The following PITPNC1 variants were observed in gnomAD, a reference collection of about 807,000 sequenced individuals.
PITPNC1 encodes phosphatidylinositol transfer protein cytoplasmic 1.
In PITPNC1, 18 loss-of-function variants were observed where a neutral mutation model predicts 44.7. That is an observed-to-expected ratio of 0.40 (90% CI 0.28 to 0.60). The LOEUF is 0.60. PITPNC1 is among the 20% of genes least tolerant of loss of function. The pLI is 0.39. For synonymous variants in PITPNC1, 141 were observed against 149.6 expected, an observed-to-expected ratio of 0.94 and a Z score of 0.42; for missense variants, 290 against 418.4, an observed-to-expected ratio of 0.69 and a Z score of 2.68.
chr17:67,556,291 T>C (rs2040837650), intron 4 of PITPNC1, among the ~76,000 whole-genome samples: 1 of 152,200 alleles, frequency 6.6e-6, no homozygotes, highest in Admixed American at 6.5e-5. Flanking sequence ...TCAAGGAGGT[T>C]ACTCAGTATC....
In PITPNC1 at chr17:67,509,557, T is replaced by TAAA. The variant is rs968819063; in HGVS notation, c.49-23242_49-23240dup. ...ATCTCTAAATTAAATTAAATTGAATTAAAAATAAATAAATAAATAAATAAA... is the reference window on the plus strand; with the variant it reads ...ATCTCTAAATTAAATTAAATTGAATTAAAAAAAATAAATAAATAAATAAATAAA... On this transcript the variant is annotated intron_variant, in intron 1 of 8. Coordinates refer to ENST00000581322, the MANE Select transcript of PITPNC1 (RefSeq NM_012417.4). 1.7e-3 allele frequency among the ~76,000 whole-genome samples: 230 copies of TAAA among 135,190 alleles called. 2 individuals carry two copies. Among genetic ancestry groups the TAAA allele is most frequent in the African/African-American group, 6.4e-3 (223 of 34,984 alleles). 88.7% of individuals were successfully genotyped at this position (135,190 alleles called of 152,430 possible).
chr17:67,690,325 G>A (rs560496779), intron 8 of PITPNC1, among the ~76,000 whole-genome samples: 3 of 151,936 alleles, frequency 2.0e-5, no homozygotes, highest in African/African-American at 7.2e-5. Flanking sequence ...GCAGACGCCT[G>A]TAATCCCAGC....
intron 1 of PITPNC1, among the ~76,000 whole-genome samples, chr17:67,411,910 C>T (rs1257810981): frequency 6.6e-6 from 1 of 152,090 alleles, no homozygotes; most frequent in African/African-American, 2.4e-5. Context: ...AGTGGCAGAG[C>T]CAGGATTTGA....
At chr17:67,489,007 A>G (rs917203794) in intron 1 of PITPNC1, among the ~76,000 whole-genome samples, 4 of 152,206 alleles carry the variant, frequency 2.6e-5, no homozygotes, top group South Asian at 2.1e-4. Context: ...GTGGATGGAC[A>G]TGGGTTGTTT....
chr17:67,656,695 C>T (rs2042272403), intron 6 of PITPNC1, among the ~76,000 whole-genome samples: 1 of 152,114 alleles, frequency 6.6e-6, no homozygotes, highest in Admixed American at 6.6e-5. Context: ...TATAATTGGC[C>T]AGACCTTGAA....
chr17:67,487,858 TC>T (rs2039802992), intron 1 of PITPNC1, among the ~76,000 whole-genome samples: 1 of 152,168 alleles, frequency 6.6e-6, no homozygotes, highest in African/African-American at 2.4e-5. Context: ...AAGTAATTTC[TC>T]CCAGGAGATG....
chr17:67,604,350 G>A (rs2041581927), intron 5 of PITPNC1, among the ~76,000 whole-genome samples: 1 of 152,226 alleles, frequency 6.6e-6, no homozygotes, highest in Non-Finnish European at 1.5e-5. Context: ...AGGCTGGTAG[G>A]CTAATAGCAG....
Position 67,448,867 on chromosome 17 carries a change from A to G in PITPNC1, c.48+70665A>G, listed in dbSNP as rs558514451. Among the ~76,000 whole-genome samples the G allele has an allele frequency of 2.0e-3, 297 of 152,278 alleles. 2 individuals carry two copies. The highest frequency in any genetic ancestry group is 6.4e-3 in the African/African-American group (264 of 41,550). On this transcript the variant is annotated intron_variant, in intron 1 of 8. Transcript: ENST00000581322. Reference sequence around the variant, plus strand: ...CGATCTCCTCCGCCTCCCGGGTTCAAGTGGTTCTCCTGCCTCAGCCTCCCC... The same window carrying G: ...CGATCTCCTCCGCCTCCCGGGTTCAGGTGGTTCTCCTGCCTCAGCCTCCCC...
chr17:67,604,258 A>C (rs2041580440), intron 5 of PITPNC1, among the ~76,000 whole-genome samples: 1 of 152,224 alleles, frequency 6.6e-6, no homozygotes, highest in African/African-American at 2.4e-5. Flanking sequence ...TCTAGTTTTT[A>C]CACATCTTCA....
chr17:67,428,551 A>AT (rs1170381583), intron 1 of PITPNC1, among the ~76,000 whole-genome samples: 2 of 150,468 alleles, frequency 1.3e-5, no homozygotes, highest in Non-Finnish European at 2.9e-5. Flanking sequence ...AAAAAAAAAA[A>AT]AGAAAGAAAG....
At chr17:67,587,765 A>G (rs1187269386) in intron 5 of PITPNC1, among the ~76,000 whole-genome samples, 1 of 152,178 alleles carries the variant, frequency 6.6e-6, no homozygotes, top group Non-Finnish European at 1.5e-5. Context: ...TTTAACCACA[A>G]AGATTTACTT....
At position 67,444,923 on chromosome 17, in the gene PITPNC1, G is replaced by A. The variant is rs1227391586; in HGVS notation, c.48+66721G>A. On this transcript the variant is annotated intron_variant, in intron 1 of 8. Transcript: ENST00000581322. ...AAAAAAAAGAAGGCAAGGTATATAA[G>A]TGTATTAGTGTGCGCTGTGGGAGGA... Among the ~76,000 whole-genome samples the A allele has an allele frequency of 3.9e-5, 6 of 151,962 alleles. No homozygotes were observed. The East Asian group carries it at 9.6e-4, about 24-fold the overall frequency.
intron 1 of PITPNC1, among the ~76,000 whole-genome samples, chr17:67,495,431 A>G (rs570512489): frequency 1.3e-5 from 2 of 152,214 alleles, no homozygotes; most frequent in South Asian, 4.2e-4. Flanking sequence ...TTTGTTATAC[A>G]GGTAAACTCA....
chr17:67,377,300 C>G lies in PITPNC1; in HGVS notation c.-855C>G, dbSNP rs1412907869. ...GCTCCTCCCGCACCCACCTCCCGGC[C>G]CCAGGCACACTGCATCGGCGCGGAC... On this transcript the variant is annotated 5_prime_UTR_variant, in exon 1 of 9. Coordinates refer to ENST00000581322, the MANE Select transcript of PITPNC1 (RefSeq NM_012417.4). 6.6e-6 allele frequency: 1 copy of G among 152,340 alleles called. No homozygotes were observed. The highest frequency in any genetic ancestry group is 1.5e-5 in the Non-Finnish European group (1 of 68,118). 9.4% of individuals were successfully genotyped at this position (152,340 alleles called of 1,614,324 possible). A position where few individuals can be genotyped will look rare whatever the true frequency, so the allele number is the denominator to read the frequency against.
At chr17:67,673,217 C>T (rs899378983) in intron 7 of PITPNC1, among the ~76,000 whole-genome samples, 2 of 152,212 alleles carry the variant, frequency 1.3e-5, no homozygotes, top group Admixed American at 6.5e-5. Context: ...TAAAATCCTT[C>T]ATTTATTGAA....
intron 1 of PITPNC1, among the ~76,000 whole-genome samples, chr17:67,425,186 T>TGTGC (rs1447478316): frequency 7.2e-5 from 4 of 55,716 alleles, no homozygotes; most frequent in Admixed American, 2.0e-4. Flanking sequence ...AGCCATGTTG[T>TGTGC]GCGCGCGCAC....
chr17:67,567,376 C>A (rs1201431420), intron 4 of PITPNC1, among the ~76,000 whole-genome samples: 1 of 151,980 alleles, frequency 6.6e-6, no homozygotes, highest in African/African-American at 2.4e-5. Flanking sequence ...CCCAGCTAGT[C>A]AGGAGGCTGA....
chr17:67,478,699 T>C (rs969405146), intron 1 of PITPNC1, among the ~76,000 whole-genome samples: 8 of 152,106 alleles, frequency 5.3e-5, no homozygotes, highest in Non-Finnish European at 1.0e-4. Context: ...AAAGGGTCTC[T>C]GTGGCCCTCT....
chr17:67,586,425 C>CAAA (rs33998127), intron 5 of PITPNC1, among the ~76,000 whole-genome samples: 2,581 of 110,512 alleles, frequency 0.023, 44 homozygotes, highest in South Asian at 0.033. Context: ...GTTTCTACTT[C>CAAA]AAAAAAAAAA....
Sources: allele counts gnomAD v4.1 joint callset (sites outside exome capture counted in the v4.1 genomes callset), GRCh38; gene constraint gnomAD v4.1.1; transcripts MANE v1.5; gene names NCBI Gene and HGNC (gene_info 2026-07-23, HGNC 2026-07-21).